The following RYR3 variants were observed in gnomAD, a reference collection of about 807,000 sequenced individuals.
The protein encoded by RYR3 is brain ryanodine receptor-calcium release channel.
A neutral mutation model predicts 584.3 loss-of-function variants in RYR3; 207 were observed. That is an observed-to-expected ratio of 0.35 (90% CI 0.32 to 0.40). RYR3 has a LOEUF of 0.40. Ranked by LOEUF, RYR3 falls within the 10% of genes least tolerant of loss-of-function variation. RYR3 has a pLI of 1.00. For synonymous variants in RYR3, 2,416 were observed against 2,248.5 expected, an observed-to-expected ratio of 1.07 and a Z score of -2.11; for missense variants, 5,616 against 6,089.2, an observed-to-expected ratio of 0.92 and a Z score of 2.59.
intron 1 of RYR3, among the ~76,000 whole-genome samples, chr15:33,471,871 T>C (rs2048962633): frequency 6.6e-6 from 1 of 152,084 alleles, no homozygotes; most frequent in Non-Finnish European, 1.5e-5. Flanking sequence ...TCTTGGCAAC[T>C]AAGAGCCCCT....
At chr15:33,749,834 A>G (rs1225047537) in intron 55 of RYR3, 145 bp from the exon 56 acceptor site, 15 of 652,570 alleles carry the variant, frequency 2.3e-5, no homozygotes, top group Non-Finnish European at 3.5e-5. Context: ...AGCACACACT[A>G]ATTAATGATG....
intron 51 of RYR3, among the ~76,000 whole-genome samples, chr15:33,740,401 G>T (rs940214255): frequency 6.6e-6 from 1 of 152,140 alleles, no homozygotes; most frequent in African/African-American, 2.4e-5. Context: ...ATAACACTCA[G>T]CTGTGTCCTG....
chr15:33,813,930 C>A (rs1323006149), intron 74 of RYR3, among the ~76,000 whole-genome samples: 1 of 152,152 alleles, frequency 6.6e-6, no homozygotes, highest in Non-Finnish European at 1.5e-5. Flanking sequence ...ACATTTTACC[C>A]CAAATTCCAT....
intron 9 of RYR3, among the ~76,000 whole-genome samples, chr15:33,549,333 C>T (rs766411501): frequency 6.4e-4 from 97 of 152,238 alleles, no homozygotes; most frequent in Middle Eastern, 6.8e-3. Flanking sequence ...AGAATTCAAG[C>T]CTTTTATCAA....
intron 10 of RYR3, among the ~76,000 whole-genome samples, chr15:33,558,241 C>G (rs1241893799): frequency 6.6e-6 from 1 of 151,560 alleles, no homozygotes; most frequent in Non-Finnish European, 1.5e-5. Context: ...TGCTATCCCT[C>G]CCCCATCCCC....
At chr15:33,738,319 A>G in intron 49 of RYR3, 131 bp from the exon 50 acceptor site, 1 of 901,932 alleles carries the variant, frequency 1.1e-6, no homozygotes, top group Non-Finnish European at 1.7e-6. Context: ...CTCTTTGTAG[A>G]CAGCCCAGCT....
At position 33,659,733 on chromosome 15, in the gene RYR3, C is replaced by A; in HGVS notation, c.4322C>A (p.Thr1441Asn). 2 of 1,611,184 alleles carry A rather than the reference C, an allele frequency of 1.2e-6. No individual in the cohort carries two copies. The highest frequency in any genetic ancestry group is 1.7e-6 in the Non-Finnish European group (2 of 1,177,392). ...LGTCYQVEPN[T>N]KVFPAVFLQP... ...TTTGATTTCCAGGTGGAGCCTAATACCAAAGTGTTTCCAGCAGTCTTCCTG... is the reference window on the plus strand; with the variant it reads ...TTTGATTTCCAGGTGGAGCCTAATAACAAAGTGTTTCCAGCAGTCTTCCTG... Residue 1441 changes from threonine to asparagine, a missense_variant, in exon 33 of 104, where the codon ACC (threonine) becomes AAC (asparagine). Thr to Asn is a moderately conservative substitution (Grantham distance 65). Coordinates refer to ENST00000634891, the MANE Select transcript of RYR3 (RefSeq NM_001036.6).
In RYR3 at chr15:33,483,740, A is replaced by C. The variant is rs568236508; in HGVS notation, c.171+10202A>C. On this transcript the variant is annotated intron_variant, in intron 2 of 103. Coordinates refer to ENST00000634891, the MANE Select transcript of RYR3 (RefSeq NM_001036.6). ...GTCTTATATAGCTTATGAGTTGGCAAACAAATTGAGGGGAATTTGTATACT... is the reference window on the plus strand; with the variant it reads ...GTCTTATATAGCTTATGAGTTGGCACACAAATTGAGGGGAATTTGTATACT... Among the ~76,000 whole-genome samples the C allele has an allele frequency of 5.5e-3, 841 of 152,274 alleles. 3 individuals are homozygous for C. Among genetic ancestry groups the C allele is most frequent in the Non-Finnish European group, 9.0e-3 (614 of 68,004 alleles).
chr15:33,782,645 C>T (rs1490999084), intron 65 of RYR3, among the ~76,000 whole-genome samples: 10 of 151,960 alleles, frequency 6.6e-5, no homozygotes, highest in African/African-American at 1.2e-4. Context: ...GGATAAAGGG[C>T]GGGGAGGAAT....
intron 1 of RYR3, among the ~76,000 whole-genome samples, chr15:33,395,852 A>AAGACCCCCCAC (rs2042264194): frequency 6.6e-6 from 1 of 152,198 alleles, no homozygotes; most frequent in Non-Finnish European, 1.5e-5. Context: ...CACAGATTCC[A>AAGACCCCCCAC]AGATCCATGG....
Position 33,330,392 on chromosome 15 carries a change from A to T in RYR3, c.51+19296A>T, listed in dbSNP as rs553806034. On this transcript the variant is annotated intron_variant, in intron 1 of 103. Transcript: ENST00000634891. ...TAGTCTCTTCATTGGAGCAGTTGCC[A>T]TCATGCCATTTTTTGCCTCCCAACT... Among the ~76,000 whole-genome samples the T allele has an allele frequency of 6.6e-5, 10 of 152,198 alleles. No individual in the cohort carries two copies. In the East Asian group the frequency reaches 1.9e-3, roughly 29 times the overall value.
chr15:33,354,656 G>A (rs954549503), intron 1 of RYR3, among the ~76,000 whole-genome samples: 1 of 152,164 alleles, frequency 6.6e-6, no homozygotes. Flanking sequence ...GTTGTGGTGT[G>A]GGAGTAGTTT....
chr15:33,730,942 T>G (rs2068894695), intron 47 of RYR3, among the ~76,000 whole-genome samples: 1 of 152,230 alleles, frequency 6.6e-6, no homozygotes, highest in Non-Finnish European at 1.5e-5. Flanking sequence ...ACCAATTAAC[T>G]GAAAGGAGTC....
At chr15:33,621,178 G>A (rs541329601) in intron 19 of RYR3, among the ~76,000 whole-genome samples, 1 of 152,276 alleles carries the variant, frequency 6.6e-6, no homozygotes, top group South Asian at 2.1e-4. Flanking sequence ...TCAACAATTA[G>A]CAACAGAGCT....
chr15:33,735,538 C>T (rs1386733304), intron 48 of RYR3, among the ~76,000 whole-genome samples: 2 of 152,142 alleles, frequency 1.3e-5, no homozygotes, highest in African/African-American at 2.4e-5. Context: ...TGTGTGTACA[C>T]CTTTCTCTGG....
chr15:33,636,573 AC>A (rs769164406), intron 27 of RYR3, 23 bp downstream of exon 27: 1 of 1,546,070 alleles, frequency 6.5e-7, no homozygotes, highest in South Asian at 1.3e-5. Flanking sequence ...CCCTCTGCCA[AC>A]CCCAGCTCCA....
chr15:33,508,271 C>A (rs959019751), intron 3 of RYR3, among the ~76,000 whole-genome samples: 1 of 152,046 alleles, frequency 6.6e-6, no homozygotes, highest in Non-Finnish European at 1.5e-5. Flanking sequence ...ATGAACATGA[C>A]ACTTTATCCA....
intron 1 of RYR3, among the ~76,000 whole-genome samples, chr15:33,457,220 C>T (rs535607696): frequency 8.5e-5 from 13 of 152,206 alleles, no homozygotes; most frequent in African/African-American, 1.9e-4. Flanking sequence ...TGACTCCTGC[C>T]GCTGAGAAGG....
intron 1 of RYR3, among the ~76,000 whole-genome samples, chr15:33,417,888 C>T (rs116769491): frequency 0.016 from 2,411 of 152,138 alleles, 71 homozygotes; most frequent in African/African-American, 0.054. Flanking sequence ...GGGTTTTTAT[C>T]ATGATGTTGG....
Sources: gnomAD v4.1 joint callset for allele counts (sites outside exome capture counted in the v4.1 genomes callset) on GRCh38, gnomAD v4.1.1 for gene constraint, MANE v1.5 for transcripts, NCBI Gene and HGNC (gene_info 2026-07-23, HGNC 2026-07-21) for gene names.